Variants in ATP12A observed in about 807,000 individuals in gnomAD.
ATP12A encodes potassium-transporting ATPase alpha chain 2.
Under a neutral mutation model 111.2 loss-of-function variants are expected in ATP12A, and 81 were observed. The ratio of observed to expected loss-of-function variants is 0.73; its 90% CI spans 0.61 to 0.88. The LOEUF (loss-of-function observed/expected upper bound fraction) is 0.88, where lower values mean the gene tolerates loss of function less well. Among genes scored for constraint, ATP12A ranks in the 40% least tolerant of loss-of-function variants. The pLI, the probability that ATP12A is intolerant of heterozygous loss-of-function variation, is 0.00. For missense variants in ATP12A, 1,196 were observed against 1,313.1 expected (o/e 0.91, Z 1.38); for synonymous variants, 498 against 499.8 (o/e 1.00, Z 0.05).
intron 5 of ATP12A, 43 bp downstream of exon 5, chr13:24,689,418 G>A: frequency 6.4e-7 from 1 of 1,557,376 alleles, no homozygotes; most frequent in Non-Finnish European, 8.9e-7. Flanking sequence ...GTGACTCCCA[G>A]GTGAGGAAGC....
At chr13:24,710,391 A>G in intron 19 of ATP12A, 69 bp from the exon 20 acceptor site, 2 of 1,578,092 alleles carry the variant, frequency 1.3e-6, no homozygotes, top group Non-Finnish European at 1.7e-6. Context: ...GCTTTAGAGA[A>G]CTGCATTGGA....
chr13:24,708,961 G>GA (rs879357811), intron 17 of ATP12A, among the ~76,000 whole-genome samples: 16,814 of 116,928 alleles, frequency 0.14, 1,880 homozygotes, highest in Non-Finnish European at 0.18. Context: ...AAGAAAGAAA[G>GA]AAGGAAAGAG....
At position 24,705,348 on chromosome 13, in the gene ATP12A, C is replaced by T. The variant is rs1011137809; in HGVS notation, c.2019-965C>T. On this transcript the variant is annotated intron_variant, in intron 14 of 22. Transcript: ENST00000381946. ...CCCAAGGTGAGGCGAAGCTTGACAACGCAGGCCCCACCTGGGCTCGCTGGC... is the reference window on the plus strand; with the variant it reads ...CCCAAGGTGAGGCGAAGCTTGACAATGCAGGCCCCACCTGGGCTCGCTGGC... Among the ~76,000 whole-genome samples, 7 of 152,224 alleles carry T rather than the reference C, an allele frequency of 4.6e-5. No individual in the cohort carries two copies. In the South Asian group the frequency reaches 1.0e-3, roughly 22 times the overall value.
In ATP12A at chr13:24,682,401, A is replaced by ATG. The variant is rs570199955; in HGVS notation, c.168+695_168+696dup. Among the ~76,000 whole-genome samples the ATG allele has an allele frequency of 3.6e-3, 474 of 131,244 alleles. 18 individuals are homozygous for ATG. Among genetic ancestry groups the ATG allele is most frequent in the African/African-American group, 0.013 (435 of 34,298 alleles). 86.1% of individuals were successfully genotyped at this position (131,244 alleles called of 152,430 possible). A position where few individuals can be genotyped will look rare whatever the true frequency, so the allele number is the denominator to read the frequency against. On this transcript the variant is annotated intron_variant, in intron 2 of 22. Coordinates refer to ENST00000381946, the MANE Select transcript of ATP12A (RefSeq NM_001676.7). ...TGTGTGTGTGGTGTGTGGTGTGTGT[A>ATG]TGTGTGTGTGTGTGTTTTGAATGGT...
chr13:24,707,495 C>T (rs542999853), intron 17 of ATP12A, 62 bp downstream of exon 17: 139 of 1,601,196 alleles, frequency 8.7e-5, no homozygotes, highest in Non-Finnish European at 1.1e-4. Context: ...AGTTCAGGGT[C>T]GCTACCTTCA....
At chr13:24,688,214 G>A (rs750600974) in intron 3 of ATP12A, 105 bp from the exon 4 acceptor site, 22 of 1,309,398 alleles carry the variant, frequency 1.7e-5, no homozygotes, top group Non-Finnish European at 2.3e-5. Context: ...CCACGTTAAT[G>A]CCTCACCCCA....
rs1291960526 is a variant in ATP12A, at chr13:24,698,811, G to A, written c.1666G>A (p.Ala556Thr). ...DKSTAKTFHTAYMELGGLGER... is the reference protein window; with the variant it reads ...DKSTAKTFHTTYMELGGLGER... ...GAGCACTGCCAAGACCTTCCACACAGCCTACATGGAGCTGGGCGGGTTGGG... is the reference window on the plus strand; with the variant it reads ...GAGCACTGCCAAGACCTTCCACACAACCTACATGGAGCTGGGCGGGTTGGG... Residue 556 changes from alanine (A) to threonine (T), a missense_variant, in exon 12 of 23, where the codon GCC (alanine) becomes ACC (threonine). This residue lies in a region of ATP12A where 1,126 missense variants were observed against 1,228.5 expected (regional missense o/e 0.92). Transcript: ENST00000381946. 3 of 1,614,072 alleles carry A rather than the reference G, an allele frequency of 1.9e-6. No homozygotes were observed. Among genetic ancestry groups the A allele is most frequent in the Non-Finnish European group, 2.5e-6 (3 of 1,180,026 alleles).
intron 1 of ATP12A, among the ~76,000 whole-genome samples, chr13:24,681,005 G>T (rs1199832552): frequency 6.6e-6 from 1 of 152,226 alleles, no homozygotes; most frequent in Non-Finnish European, 1.5e-5. Flanking sequence ...AGGGGCCAAG[G>T]GGTCCTAGGC....
chr13:24,692,419 C>T lies in ATP12A; in HGVS notation c.1069-10C>T, dbSNP rs556805114. The stretch of plus-strand genomic sequence containing the variant: ...GATTTTTCCCAAAGCGTCCTTCCCT[C>T]TCCTGCTAGGTGACCCTGTCGCTGA... On this transcript the variant is annotated splice_polypyrimidine_tract_variant and intron_variant, in intron 8 of 22. Coordinates refer to ENST00000381946, the MANE Select transcript of ATP12A (RefSeq NM_001676.7). 1 of 1,612,932 alleles carries T rather than the reference C, an allele frequency of 6.2e-7. No individual in the cohort carries two copies. The highest frequency in any genetic ancestry group is 8.5e-7 in the Non-Finnish European group (1 of 1,179,902).
At chr13:24,708,960 A>AGAAAGAAG (rs1491180845) in intron 17 of ATP12A, among the ~76,000 whole-genome samples, 54 of 126,502 alleles carry the variant, frequency 4.3e-4, no homozygotes, top group African/African-American at 1.1e-3. Context: ...AAAGAAAGAA[A>AGAAAGAAG]GAAGGAAAGA....
At chr13:24,682,110 GTGTGT>G (rs1874482721) in intron 2 of ATP12A, among the ~76,000 whole-genome samples, 1 of 125,660 alleles carries the variant, frequency 8.0e-6, no homozygotes, top group Non-Finnish European at 1.7e-5. Context: ...TGTGTGTGAT[GTGTGT>G]GTGGTGTGTG....
At chr13:24,691,305 G>A (rs952030486) in intron 8 of ATP12A, 55 bp downstream of exon 8, 25 of 1,542,978 alleles carry the variant, frequency 1.6e-5, no homozygotes, top group Non-Finnish European at 2.2e-5. Flanking sequence ...CAGCACTGGT[G>A]CTGGGGAGGC....
chr13:24,708,949 G>GAA (rs71074691), intron 17 of ATP12A, among the ~76,000 whole-genome samples: 65 of 140,558 alleles, frequency 4.6e-4, no homozygotes, highest in African/African-American at 1.7e-3. Context: ...AAGAAAGAAA[G>GAA]AAAGAAAGAA....
chr13:24,680,724 C>T lies in ATP12A; in HGVS notation c.-20C>T, dbSNP rs763287669. 1.8e-4 allele frequency: 272 copies of T among 1,501,562 alleles called. 2 individuals are homozygous for T. The East Asian group carries it at 6.5e-3, about 36-fold the overall frequency. The allele number at this position is 1,501,562 out of a possible 1,614,324, so 93.0% of individuals were successfully genotyped here. A position where few individuals can be genotyped will look rare whatever the true frequency, so the allele number is the denominator to read the frequency against. On this transcript the variant is annotated 5_prime_UTR_variant, in exon 1 of 23. Transcript: ENST00000381946. ...GGATCCGCGCTCCACGCCCGCAGCC[C>T]GCGGCGCCACCAGCCCAGCATGCAC...
chr13:24,711,545 C>T lies in ATP12A; in HGVS notation c.*23C>T. On this transcript the variant is annotated 3_prime_UTR_variant, in exon 23 of 23. Coordinates refer to ENST00000381946, the MANE Select transcript of ATP12A (RefSeq NM_001676.7). ...TAAGACCACCTCCCTTCCTATGTCT[C>T]TCAGCAGCACGTTGGGGCACACTTG... 6.2e-7 allele frequency: 1 copy of T among 1,614,062 alleles called. No individual in the cohort carries two copies. The highest frequency in any genetic ancestry group is 8.5e-7 in the Non-Finnish European group (1 of 1,179,970).
At chr13:24,698,144 A>G (rs1875243560) in intron 11 of ATP12A, among the ~76,000 whole-genome samples, 1 of 152,060 alleles carries the variant, frequency 6.6e-6, no homozygotes, top group African/African-American at 2.4e-5. Context: ...TTCCTGAAAC[A>G]TTATACGTGG....
In ATP12A at chr13:24,707,359, A is replaced by G. The variant is rs769939401; in HGVS notation, c.2419A>G (p.Ile807Val). The change falls in exon 17 of 23, where the codon ATC becomes GTC. Residue 807 changes from isoleucine (I) to valine (V), a missense_variant. Physicochemically the swap from Ile to Val is conservative, Grantham distance 29. Around this residue, in one of 3 missense-constraint regions of ATP12A, gnomAD observed 1,126 missense variants for 1,228.5 expected, o/e 0.92. Transcript: ENST00000381946. ...CATTGCCGAGCTGTGCCCCTTTCTGATCTACATCATTGTCGGGCTCCCCCT... is the reference window on the plus strand; with the variant it reads ...CATTGCCGAGCTGTGCCCCTTTCTGGTCTACATCATTGTCGGGCTCCCCCT... ...KNIAELCPFL[I>V]YIIVGLPLPI... 5.0e-6 allele frequency: 8 copies of G among 1,613,978 alleles called. No homozygotes were observed. In the African/African-American group the frequency reaches 1.1e-4, roughly 22 times the overall value.
Position 24,685,246 on chromosome 13 carries a change from T to A in ATP12A, c.169-68T>A, listed in dbSNP as rs990816925. 1 of 1,505,854 alleles carries A rather than the reference T, an allele frequency of 6.6e-7. No individual in the cohort carries two copies. Among genetic ancestry groups the A allele is most frequent in the Non-Finnish European group, 9.2e-7 (1 of 1,082,138 alleles). The allele number at this position is 1,505,854 out of a possible 1,614,324, so 93.3% of individuals were successfully genotyped here. The stretch of plus-strand genomic sequence containing the variant: ...TGCTACTCCCAGCTTCCATGGCTGG[T>A]CAAAGCTTGGGGCTTGAGTCTTTTG... On this transcript the variant is annotated intron_variant, in intron 2 of 22. Coordinates refer to ENST00000381946, the MANE Select transcript of ATP12A (RefSeq NM_001676.7). This position sits in a 1 kb window ranked among gnomAD's most constrained non-coding sequence, Gnocchi z 5.5.
At position 24,708,878 on chromosome 13, in the gene ATP12A, G is replaced by GAGAA. The variant is rs1555255647; in HGVS notation, c.2494-483_2494-482insAAGA. Among the ~76,000 whole-genome samples the GAGAA allele has an allele frequency of 9.6e-4, 113 of 117,626 alleles. 2 individuals are homozygous for GAGAA. The East Asian group carries it at 0.013, about 14-fold the overall frequency. The allele number at this position is 117,626 out of a possible 152,430, so 77.2% of individuals were successfully genotyped here. Reference sequence around the variant, plus strand: ...AGAGGGAAAGAGAGAAAGAGAAAGAGAGAGAAAGAGAAAGAAAGAAAGGAA... The same window carrying GAGAA: ...AGAGGGAAAGAGAGAAAGAGAAAGAGAGAAAGAGAAAGAGAAAGAAAGAAAGGAA... On this transcript the variant is annotated intron_variant, in intron 17 of 22. Transcript: ENST00000381946.
Sources: allele counts gnomAD v4.1 joint callset (sites outside exome capture counted in the v4.1 genomes callset), GRCh38; gene constraint gnomAD v4.1.1; regional missense constraint gnomAD v4.1.1; non-coding constraint Gnocchi (gnomAD v3.1); transcripts MANE v1.5; gene names NCBI Gene and HGNC (gene_info 2026-07-23, HGNC 2026-07-21).